Variants in EBF4 observed in about 807,000 individuals in gnomAD.
EBF4 encodes transcription factor COE4.
A neutral mutation model predicts 67.1 loss-of-function variants in EBF4; 34 were observed. The ratio of observed to expected loss-of-function variants is 0.51; its 90% CI spans 0.39 to 0.67. The LOEUF (loss-of-function observed/expected upper bound fraction) is 0.67. EBF4 is among the 30% of genes least tolerant of loss of function. EBF4 has a pLI of 0.00. For synonymous variants in EBF4, 387 were observed against 377.7 expected (o/e 1.02, Z -0.29); for missense variants, 837 against 873.3 (o/e 0.96, Z 0.52).
chr20:2,752,268 G>T lies in EBF4; in HGVS notation c.1351+5G>T, dbSNP rs1179282384. The T allele has an allele frequency of 1.3e-5, 16 of 1,238,834 alleles. No individual in the cohort carries two copies. The highest frequency in any genetic ancestry group is 1.6e-5 in the Non-Finnish European group (16 of 994,644). 76.7% of individuals were successfully genotyped at this position (1,238,834 alleles called of 1,614,324 possible). On this transcript the variant is annotated splice_donor_5th_base_variant and intron_variant, in intron 13 of 16. Transcript: ENST00000609451. ...CCACCCCGGGGCCCGAGCCGGGTGCGTGGGCCGCGCCTCCCCGCCGTCCTC... is the reference window on the plus strand; with the variant it reads ...CCACCCCGGGGCCCGAGCCGGGTGCTTGGGCCGCGCCTCCCCGCCGTCCTC...
At chr20:2,715,061 C>T (rs1473548361) in intron 6 of EBF4, among the ~76,000 whole-genome samples, 2 of 152,076 alleles carry the variant, frequency 1.3e-5, no homozygotes, top group African/African-American at 4.8e-5. Flanking sequence ...AACCTACCAA[C>T]AAACTTAAAA....
chr20:2,716,633 C>T (rs1427830759), intron 6 of EBF4, among the ~76,000 whole-genome samples: 1 of 152,124 alleles, frequency 6.6e-6, no homozygotes, highest in Non-Finnish European at 1.5e-5. Flanking sequence ...TTTGTCATCC[C>T]TATGGAACTA....
At chr20:2,712,384 C>T (rs1187792724) in intron 6 of EBF4, among the ~76,000 whole-genome samples, 1 of 152,082 alleles carries the variant, frequency 6.6e-6, no homozygotes, top group African/African-American at 2.4e-5. Flanking sequence ...GCAGGACTGA[C>T]AGGATTTGTT....
intron 6 of EBF4, among the ~76,000 whole-genome samples, chr20:2,736,426 T>G (rs1235216397): frequency 6.6e-6 from 1 of 152,178 alleles, no homozygotes; most frequent in African/African-American, 2.4e-5. Context: ...TGAAAGGGGC[T>G]GTGGGAACTG....
chr20:2,723,021 A>G (rs1343786706), intron 6 of EBF4, among the ~76,000 whole-genome samples: 1 of 152,226 alleles, frequency 6.6e-6, no homozygotes, highest in Non-Finnish European at 1.5e-5. Context: ...GGAAACTGAT[A>G]GATGAGGTTA....
intron 1 of EBF4, among the ~76,000 whole-genome samples, chr20:2,704,112 AT>A (rs2087416704): frequency 6.6e-6 from 1 of 152,110 alleles, no homozygotes; most frequent in Admixed American, 6.6e-5. Context: ...GTTATATGCT[AT>A]TACTCCTGCC....
At chr20:2,697,601 C>G (rs1043620469) in intron 1 of EBF4, among the ~76,000 whole-genome samples, 1 of 151,806 alleles carries the variant, frequency 6.6e-6, no homozygotes, top group Admixed American at 6.6e-5. Flanking sequence ...GCTGCATACC[C>G]TTAAACTGGA....
rs1431557575 is a variant in EBF4, at chr20:2,739,932, C to T, written c.558-8617C>T. ...TTGTTTGGAACATCCTGCCCCAGCTCGTATATCCATTCACTGCATACCTTC... is the reference window on the plus strand; with the variant it reads ...TTGTTTGGAACATCCTGCCCCAGCTTGTATATCCATTCACTGCATACCTTC... On this transcript the variant is annotated intron_variant, in intron 6 of 16. Transcript: ENST00000609451. This position sits in a 1 kb window ranked among gnomAD's most constrained non-coding sequence, Gnocchi z 4.5. Among the ~76,000 whole-genome samples, 1 of 152,226 alleles carries T rather than the reference C, an allele frequency of 6.6e-6. No homozygotes were observed. The highest frequency in any genetic ancestry group is 1.5e-5 in the Non-Finnish European group (1 of 68,044).
Position 2,742,345 on chromosome 20 carries a change from T to A in EBF4, c.558-6204T>A, listed in dbSNP as rs576328315. On this transcript the variant is annotated intron_variant, in intron 6 of 16. Coordinates refer to ENST00000609451, the Ensembl canonical transcript of EBF4. Reference sequence around the variant, plus strand: ...ACAAACTCAGCAGCGTTCTGGGCAGTTGCTAAGGTGCTGAGTGCCTGATGG... The same window carrying A: ...ACAAACTCAGCAGCGTTCTGGGCAGATGCTAAGGTGCTGAGTGCCTGATGG... 2.0e-5 allele frequency among the ~76,000 whole-genome samples: 3 copies of A among 152,328 alleles called. No homozygotes were observed. The South Asian group carries it at 6.2e-4, about 32-fold the overall frequency.
intron 1 of EBF4, among the ~76,000 whole-genome samples, chr20:2,704,779 C>T (rs1319262787): frequency 6.6e-6 from 1 of 152,242 alleles, no homozygotes; most frequent in Non-Finnish European, 1.5e-5. Flanking sequence ...GCATTTGCTC[C>T]TAGCCCCAGT....
At chr20:2,705,442 C>A in intron 1 of EBF4, 135 bp from the exon 2 acceptor site, 2 of 1,233,364 alleles carry the variant, frequency 1.6e-6, no homozygotes, top group Non-Finnish European at 2.3e-6. Context: ...AAGGGCCTGT[C>A]TAGTTGGATT....
intron 6 of EBF4, among the ~76,000 whole-genome samples, chr20:2,718,828 T>C (rs1160356773): frequency 1.3e-5 from 2 of 152,176 alleles, no homozygotes; most frequent in Non-Finnish European, 2.9e-5. Context: ...TTTGGTTAAT[T>C]CCTTCTCCTT....
chr20:2,698,850 T>C (rs1310002118), intron 1 of EBF4, among the ~76,000 whole-genome samples: 1 of 150,612 alleles, frequency 6.6e-6, no homozygotes, highest in East Asian at 2.0e-4. Flanking sequence ...CAGCCAGGAG[T>C]TAGGTTTTGG....
exon 16 of EBF4, chr20:2,758,975 C>T (rs1363539809): frequency 1.9e-6 from 3 of 1,551,800 alleles, no homozygotes; most frequent in Non-Finnish European, 2.6e-6. Context: ...CTGGCATACT[C>T]CTAATTACGG....
Position 2,749,761 on chromosome 20 carries a change from A to T in EBF4, c.891+8A>T. On this transcript the variant is annotated splice_region_variant and intron_variant, in intron 9 of 16. Transcript: ENST00000609451. The stretch of plus-strand genomic sequence containing the variant: ...GTGCTCGTGTGGAGCGAGGTGGGCC[A>T]ACCCCGCCAGTCTCCCTCTGGGCCT... The T allele has an allele frequency of 6.9e-7, 1 of 1,458,262 alleles. No individual in the cohort carries two copies. The highest frequency in any genetic ancestry group is 2.7e-5 in the East Asian group (1 of 37,574). The allele number at this position is 1,458,262 out of a possible 1,614,324, so 90.3% of individuals were successfully genotyped here.
At chr20:2,734,234 C>G (rs2087850100) in intron 6 of EBF4, among the ~76,000 whole-genome samples, 1 of 151,990 alleles carries the variant, frequency 6.6e-6, no homozygotes, top group Non-Finnish European at 1.5e-5. Flanking sequence ...ATGGTGAAAC[C>G]CTGTCTCTAC....
intron 15 of EBF4, chr20:2,758,703 C>G: frequency 1.7e-6 from 1 of 600,962 alleles, no homozygotes; most frequent in Non-Finnish European, 3.0e-6. Context: ...AGGTAGGGAG[C>G]AAGGGCGTGG....
chr20:2,754,709 G>A (rs2088209324), intron 14 of EBF4, among the ~76,000 whole-genome samples: 1 of 152,174 alleles, frequency 6.6e-6, no homozygotes, highest in African/African-American at 2.4e-5. Context: ...AGTCTTTACA[G>A]GAGAGAGGCA....
At chr20:2,729,183 CA>C (rs148104241) in intron 6 of EBF4, among the ~76,000 whole-genome samples, 6,948 of 144,382 alleles carry the variant, frequency 0.048, 525 homozygotes, top group African/African-American at 0.16. Flanking sequence ...TCCATGGCAC[CA>C]AAAAAAAAAG....
Sources: allele counts gnomAD v4.1 joint callset (sites outside exome capture counted in the v4.1 genomes callset), GRCh38; gene constraint gnomAD v4.1.1; non-coding constraint Gnocchi (gnomAD v3.1); transcripts MANE v1.5; gene names NCBI Gene and HGNC (gene_info 2026-07-23, HGNC 2026-07-21).